The following CMTM4 variants were observed in gnomAD, a reference collection of about 807,000 sequenced individuals.
CMTM4 encodes the protein CKLF-like MARVEL transmembrane domain-containing protein 4.
CMTM4 carries 8 observed loss-of-function variants against 19.0 expected under a neutral mutation model. That is an observed-to-expected ratio of 0.42 (90% CI 0.25 to 0.76). The LOEUF (loss-of-function observed/expected upper bound fraction) is 0.76, where lower values mean the gene tolerates loss of function less well. Among genes scored for constraint, CMTM4 ranks in the 30% least tolerant of loss-of-function variants. The pLI is 0.27. For synonymous variants in CMTM4, 106 were observed against 121.1 expected (o/e 0.88, Z 0.82); for missense variants, 228 against 290.2 (o/e 0.79, Z 1.56).
intron 1 of CMTM4, among the ~76,000 whole-genome samples, chr16:66,693,407 C>T (rs2017173963): frequency 6.6e-6 from 1 of 152,182 alleles, no homozygotes; most frequent in Non-Finnish European, 1.5e-5. Context: ...AAATTTTTCT[C>T]CAAACCGCAG....
intron 1 of CMTM4, among the ~76,000 whole-genome samples, chr16:66,685,303 C>T (rs1596963770): frequency 6.6e-6 from 1 of 152,050 alleles, no homozygotes; most frequent in Non-Finnish European, 1.5e-5. Flanking sequence ...GGGGTTACTT[C>T]CAGAAACAAG....
At chr16:66,630,811 A>G (rs2144798538) in intron 2 of CMTM4, among the ~76,000 whole-genome samples, 1 of 149,860 alleles carries the variant, frequency 6.7e-6, no homozygotes, top group East Asian at 2.0e-4. Context: ...CTGGAAAGTG[A>G]GGAGCATCTC....
At chr16:66,637,475 T>C (rs949191087) in intron 1 of CMTM4, among the ~76,000 whole-genome samples, 11 of 151,682 alleles carry the variant, frequency 7.3e-5, no homozygotes, top group African/African-American at 1.9e-4. Flanking sequence ...ACCTGGGAGG[T>C]AGAGGTTGCA....
At chr16:66,666,410 G>A (rs2016595307) in intron 1 of CMTM4, among the ~76,000 whole-genome samples, 1 of 145,910 alleles carries the variant, frequency 6.9e-6, no homozygotes, top group Non-Finnish European at 1.5e-5. Flanking sequence ...CCGAGATCAC[G>A]CCACTGCACT....
rs1596900193 is a variant in CMTM4, at chr16:66,621,338, T to C, written c.*720A>G. On this transcript the variant is annotated 3_prime_UTR_variant, in exon 4 of 4. Transcript: ENST00000394106. ...CAATTCAGCCTCAAAGTATTTAGGG[T>C]AGGCAGGAAACTGGAAAACAAGATA... The C allele has an allele frequency of 1.0e-6, 1 of 985,530 alleles. No homozygotes were observed. The highest frequency in any genetic ancestry group is 1.1e-4 in the East Asian group (1 of 8,828). The allele number at this position is 985,530 out of a possible 1,614,324, so 61.0% of individuals were successfully genotyped here.
chr16:66,679,234 T>C (rs530409992), intron 1 of CMTM4, among the ~76,000 whole-genome samples: 23 of 152,214 alleles, frequency 1.5e-4, no homozygotes, highest in African/African-American at 3.4e-4. Flanking sequence ...CCCAAACACT[T>C]TGAAGTCTGC....
the CMTM4 span, among the ~76,000 whole-genome samples, chr16:66,602,989 A>G: frequency 1.4e-4 from 22 of 152,384 alleles, no homozygotes; most frequent in African/African-American, 5.0e-4. Context: ...ACATTCCACA[A>G]CAAACAAAGT....
At chr16:66,656,239 A>G (rs1181370153) in intron 1 of CMTM4, among the ~76,000 whole-genome samples, 1 of 152,238 alleles carries the variant, frequency 6.6e-6, no homozygotes, top group Non-Finnish European at 1.5e-5. Context: ...TGAAAATCCA[A>G]CCAACAAATA....
rs2017236443 is a variant in CMTM4 at position 66,696,373 on chromosome 16, G to A, written c.153C>T (p.Arg51=). ...AGLRCDPDYL[R]GALGRLKVAQ... ...CGACCTTGAGGCGGCCGAGCGCGCC[G>A]CGCAGGTAGTCGGGGTCGCAGCGCA... is the stretch of plus-strand genomic sequence containing the variant. The change falls in exon 1 of 4, where the codon CGC becomes CGT. Residue 51 remains arginine, a synonymous_variant. Coordinates refer to ENST00000394106, the MANE Select transcript of CMTM4 (RefSeq NM_181521.3). The surrounding 1 kb of genome is among the most constrained non-coding windows in gnomAD (Gnocchi z 4.3). 7.0e-7 allele frequency: 1 copy of A among 1,426,098 alleles called. No individual in the cohort carries two copies. Among genetic ancestry groups the A allele is most frequent in the Non-Finnish European group, 9.2e-7 (1 of 1,091,890 alleles). 88.3% of individuals were successfully genotyped at this position (1,426,098 alleles called of 1,614,324 possible).
chr16:66,599,580 G>A, the CMTM4 span, among the ~76,000 whole-genome samples: 11 of 152,034 alleles, frequency 7.2e-5, no homozygotes, highest in African/African-American at 2.4e-4. Flanking sequence ...ACTGTAACCT[G>A]GAACTCTTGG....
chr16:66,630,528 C>T (rs1467698063), intron 2 of CMTM4, among the ~76,000 whole-genome samples: 2 of 151,816 alleles, frequency 1.3e-5, no homozygotes, highest in Non-Finnish European at 2.9e-5. Flanking sequence ...TTGGTGGAGA[C>T]GGGGTTTTGC....
At chr16:66,608,580 G>C in the CMTM4 span, 4 of 1,015,638 alleles carry the variant, frequency 3.9e-6, no homozygotes, top group Middle Eastern at 3.2e-4. The surrounding 1 kb of genome is among the most constrained non-coding windows in gnomAD (Gnocchi z 5.1). Flanking sequence ...GTTTGCAGTT[G>C]GTTAGAACTG....
intron 1 of CMTM4, among the ~76,000 whole-genome samples, chr16:66,693,263 T>C (rs1015367194): frequency 7.2e-5 from 11 of 152,232 alleles, no homozygotes; most frequent in Admixed American, 3.3e-4. Context: ...AATTTATTTT[T>C]AGACATGGGA....
At chr16:66,661,808 CTG>C (rs2016503666) in intron 1 of CMTM4, among the ~76,000 whole-genome samples, 1 of 152,086 alleles carries the variant, frequency 6.6e-6, no homozygotes, top group South Asian at 2.1e-4. Flanking sequence ...TGGTGCATGC[CTG>C]TAATTCCAGC....
At chr16:66,693,304 T>G (rs2017171472) in intron 1 of CMTM4, among the ~76,000 whole-genome samples, 1 of 152,168 alleles carries the variant, frequency 6.6e-6, no homozygotes. Context: ...TGGAGCACAG[T>G]GGCTACTCCG....
At chr16:66,624,917 A>G (rs551093530) in intron 2 of CMTM4, among the ~76,000 whole-genome samples, 2 of 152,362 alleles carry the variant, frequency 1.3e-5, no homozygotes, top group East Asian at 3.9e-4. Flanking sequence ...TGACCTGCGT[A>G]AGCCAGGGCA....
intron 1 of CMTM4, among the ~76,000 whole-genome samples, chr16:66,673,039 A>G (rs767278834): frequency 4.8e-5 from 7 of 146,612 alleles, no homozygotes; most frequent in Non-Finnish European, 1.0e-4. Flanking sequence ...CCTCCCAAGA[A>G]GCTGGGATTA....
intron 1 of CMTM4, among the ~76,000 whole-genome samples, chr16:66,689,750 C>T (rs1177085070): frequency 6.6e-6 from 1 of 152,136 alleles, no homozygotes; most frequent in Admixed American, 6.6e-5. Flanking sequence ...ATAACATTTA[C>T]TTTCAAAAAC....
At position 66,696,590 on chromosome 16, in the gene CMTM4, C is replaced by A; in HGVS notation, c.-65G>T. 1 of 997,766 alleles carries A rather than the reference C, an allele frequency of 1.0e-6. No homozygotes were observed. Among genetic ancestry groups the A allele is most frequent in the African/African-American group, 1.8e-5 (1 of 57,118 alleles). 61.8% of individuals were successfully genotyped at this position (997,766 alleles called of 1,614,324 possible). A position where few individuals can be genotyped will look rare whatever the true frequency, so the allele number is the denominator to read the frequency against. On this transcript the variant is annotated 5_prime_UTR_variant, in exon 1 of 4. Coordinates refer to ENST00000394106, the MANE Select transcript of CMTM4 (RefSeq NM_181521.3). This position sits in a 1 kb window ranked among gnomAD's most constrained non-coding sequence, Gnocchi z 4.3. ...CGGCGCCAGGAGCGGGCGGACTCAGCGGGGCCGCCGCATCGCCGCCGCCGC... is the reference window on the plus strand; with the variant it reads ...CGGCGCCAGGAGCGGGCGGACTCAGAGGGGCCGCCGCATCGCCGCCGCCGC...
Sources: allele counts gnomAD v4.1 joint callset (sites outside exome capture counted in the v4.1 genomes callset), GRCh38; gene constraint gnomAD v4.1.1; non-coding constraint Gnocchi (gnomAD v3.1); transcripts MANE v1.5; gene names NCBI Gene and HGNC (gene_info 2026-07-23, HGNC 2026-07-21).